UBA2: variants seen among roughly 807,000 people sequenced by gnomAD.
UBA2 encodes SUMO-activating enzyme subunit 2.
In UBA2, 11 loss-of-function variants were observed where a neutral mutation model predicts 77.2. The ratio of observed to expected loss-of-function variants is 0.14; its 90% confidence interval spans 0.09 to 0.24. The LOEUF (loss-of-function observed/expected upper bound fraction) is 0.24. Among genes scored for constraint, UBA2 ranks in the 10% least tolerant of loss-of-function variants. UBA2 has a pLI of 1.00. For synonymous variants in UBA2, 278 were observed against 276.7 expected, an observed-to-expected ratio of 1.00 and a Z score of -0.05; for missense variants, 487 against 781.7, an observed-to-expected ratio of 0.62 and a Z score of 4.50.
chr19:34,460,805 G>T (rs1568383883), intron 14 of UBA2, among the ~76,000 whole-genome samples: 1 of 152,168 alleles, frequency 6.6e-6, no homozygotes, highest in Non-Finnish European at 1.5e-5. Context: ...GAACCTCCTT[G>T]CCGATATCAT....
chr19:34,464,371 A>C (rs2075665023), intron 15 of UBA2, among the ~76,000 whole-genome samples: 1 of 152,134 alleles, frequency 6.6e-6, no homozygotes, highest in Non-Finnish European at 1.5e-5. Flanking sequence ...CAACCTGGCC[A>C]ACACGGTGAA....
chr19:34,460,419 A>C, intron 13 of UBA2, 51 bp from the exon 14 acceptor site: 1 of 1,201,614 alleles, frequency 8.3e-7, no homozygotes, highest in Non-Finnish European at 1.2e-6. Context: ...ATTTCTTATG[A>C]TCTTTAATTA....
At chr19:34,450,649 A>C (rs565865975) in intron 9 of UBA2, among the ~76,000 whole-genome samples, 1 of 151,852 alleles carries the variant, frequency 6.6e-6, no homozygotes, top group Non-Finnish European at 1.5e-5. Context: ...TGCTTTTGTC[A>C]GTCAGTATAG....
intron 8 of UBA2, among the ~76,000 whole-genome samples, chr19:34,446,737 T>C (rs2075436048): frequency 1.3e-5 from 2 of 151,896 alleles, no homozygotes; most frequent in South Asian, 4.2e-4. Context: ...GCCTCCTGAG[T>C]AGCTGGGATT....
At chr19:34,437,837 A>C (rs868015788) in intron 5 of UBA2, among the ~76,000 whole-genome samples, 23 of 152,108 alleles carry the variant, frequency 1.5e-4, no homozygotes, top group South Asian at 1.0e-3. Flanking sequence ...GGCGAATCAC[A>C]TGAAGTCAGG....
rs77184202 is a variant in UBA2 at position 34,470,111 on chromosome 19, T to C, written c.*890T>C. ...CTCTACTAAAAAAAAAAAAAAAAAT[T>C]AGCCGGGCCTGGTGGCAGGCACCTG... On this transcript the variant is annotated 3_prime_UTR_variant, in exon 17 of 17. Coordinates refer to ENST00000246548, the MANE Select transcript of UBA2 (RefSeq NM_005499.3). The C allele has an allele frequency of 6.7e-6, 1 of 148,758 alleles. No individual in the cohort carries two copies. The highest frequency in any genetic ancestry group is 6.7e-5 in the Admixed American group (1 of 15,004). The allele number at this position is 148,758 out of a possible 1,614,324, so 9.2% of individuals were successfully genotyped here.
intron 5 of UBA2, 81 bp from the exon 6 acceptor site, chr19:34,438,564 T>C (rs2075335102): frequency 6.6e-7 from 1 of 1,520,514 alleles, no homozygotes; most frequent in Non-Finnish European, 8.9e-7. Context: ...GGAATATAGA[T>C]GAATGAAGTG....
intron 5 of UBA2, among the ~76,000 whole-genome samples, chr19:34,436,080 A>G (rs898611406): frequency 1.2e-4 from 18 of 146,130 alleles, no homozygotes; most frequent in African/African-American, 4.6e-4. Context: ...AGATCACGCC[A>G]TTGCACTCCA....
At chr19:34,466,757 A>C (rs2075692531) in intron 15 of UBA2, 121 bp from the exon 16 acceptor site, 1 of 720,964 alleles carries the variant, frequency 1.4e-6, no homozygotes, top group Non-Finnish European at 2.1e-6. Flanking sequence ...AATTAAAAAA[A>C]AAATTAGAAT....
At chr19:34,459,021 C>A in intron 13 of UBA2, 97 bp downstream of exon 13, 1 of 1,285,780 alleles carries the variant, frequency 7.8e-7, no homozygotes, top group Non-Finnish European at 1.1e-6. Context: ...GGTCCAACTG[C>A]AGAGATGTGT....
At chr19:34,457,609 G>A (rs974947812) in intron 12 of UBA2, among the ~76,000 whole-genome samples, 1 of 152,118 alleles carries the variant, frequency 6.6e-6, no homozygotes, top group African/African-American at 2.4e-5. Context: ...TCATTGTACG[G>A]AGAAGCTATT....
intron 8 of UBA2, among the ~76,000 whole-genome samples, chr19:34,449,065 C>CTTTTTTTT (rs11332668): frequency 4.1e-5 from 3 of 73,836 alleles, no homozygotes; most frequent in Non-Finnish European, 4.9e-5. Context: ...AAATATAAAT[C>CTTTTTTTT]TTTTTTTTTT....
At chr19:34,442,530 T>C (rs1407960390) in intron 6 of UBA2, among the ~76,000 whole-genome samples, 1 of 152,162 alleles carries the variant, frequency 6.6e-6, no homozygotes, top group Non-Finnish European at 1.5e-5. Context: ...CCTCCTGGGT[T>C]CAAGCGATTC....
chr19:34,431,797 C>T (rs2075258824), intron 2 of UBA2, 64 bp from the exon 3 acceptor site: 3 of 1,455,246 alleles, frequency 2.1e-6, no homozygotes, highest in South Asian at 2.3e-5. Flanking sequence ...ATTGTGGCTT[C>T]CAGAAGCAGA....
At chr19:34,467,633 G>A (rs1040398345) in intron 16 of UBA2, among the ~76,000 whole-genome samples, 10 of 152,042 alleles carry the variant, frequency 6.6e-5, no homozygotes, top group African/African-American at 1.4e-4. Context: ...AAAATTAGCT[G>A]GGCGTGGCAG....
At position 34,457,094 on chromosome 19, in the gene UBA2, CG is replaced by C. The variant is rs925472155; in HGVS notation, c.1246-1674del. 7.6e-5 allele frequency among the ~76,000 whole-genome samples: 11 copies of C among 144,490 alleles called. No homozygotes were observed. In the Admixed American group the frequency reaches 7.7e-4, roughly 10 times the overall value. 94.8% of individuals were successfully genotyped at this position (144,490 alleles called of 152,430 possible). A position where few individuals can be genotyped will look rare whatever the true frequency, so the allele number is the denominator to read the frequency against. On this transcript the variant is annotated intron_variant, in intron 12 of 16. Coordinates refer to ENST00000246548, the MANE Select transcript of UBA2 (RefSeq NM_005499.3). The stretch of plus-strand genomic sequence containing the variant: ...GTGTAATCCCAGCTCTTTGGGAGGC[CG>C]AGGCAGGCAGATCACCTGAGATTGG...
chr19:34,457,068 C>CGT (rs2075571214), intron 12 of UBA2, among the ~76,000 whole-genome samples: 1 of 148,740 alleles, frequency 6.7e-6, no homozygotes, highest in African/African-American at 2.5e-5. Flanking sequence ...ATGGCTCACA[C>CGT]GTGTAATCCC....
intron 4 of UBA2, 30 bp from the exon 5 acceptor site, chr19:34,434,838 A>T (rs937138338): frequency 4.5e-6 from 7 of 1,539,694 alleles, no homozygotes; most frequent in Non-Finnish European, 6.2e-6. Context: ...TTTTTTTCCC[A>T]AAAACTCATA....
chr19:34,432,821 C>T (rs1424387207), intron 3 of UBA2, among the ~76,000 whole-genome samples: 1 of 152,208 alleles, frequency 6.6e-6, no homozygotes, highest in African/African-American at 2.4e-5. Flanking sequence ...TCCCAAAGTG[C>T]AGGGATTACA....
Sources: gnomAD v4.1 joint callset for allele counts (sites outside exome capture counted in the v4.1 genomes callset) on GRCh38, gnomAD v4.1.1 for gene constraint, MANE v1.5 for transcripts, NCBI Gene and HGNC (gene_info 2026-07-23, HGNC 2026-07-21) for gene names.